The following ZMYM1 variants were observed in gnomAD, a reference collection of about 807,000 sequenced individuals.
ZMYM1 encodes the protein zinc finger MYM-type protein 1.
A neutral mutation model predicts 60.0 loss-of-function variants in ZMYM1; 39 were observed. The ratio of observed to expected loss-of-function variants is 0.65; its 90% CI spans 0.50 to 0.85. ZMYM1 has a LOEUF of 0.85. Among genes scored for constraint, ZMYM1 ranks in the 40% least tolerant of loss-of-function variants. The pLI, the probability that ZMYM1 is intolerant of heterozygous loss-of-function variation, is 0.00. For missense variants in ZMYM1, 1,171 were observed against 1,309.5 expected (o/e 0.89, Z 1.63); for synonymous variants, 413 against 454.0 (o/e 0.91, Z 1.15).
chr1:35,106,091 A>C (rs367655431), intron 6 of ZMYM1, among the ~76,000 whole-genome samples: 3 of 152,224 alleles, frequency 2.0e-5, no homozygotes, highest in African/African-American at 7.2e-5. Context: ...CCTGTCTTTA[A>C]AAAAACAAAC....
intron 6 of ZMYM1, among the ~76,000 whole-genome samples, chr1:35,107,511 G>T (rs1328595367): frequency 1.3e-5 from 2 of 151,366 alleles, no homozygotes; most frequent in African/African-American, 4.9e-5. Context: ...CAGTTGTTCA[G>T]CTTATGTGAT....
At chr1:35,060,199 C>T (rs1416081931) in intron 1 of ZMYM1, among the ~76,000 whole-genome samples, 6 of 149,344 alleles carry the variant, frequency 4.0e-5, no homozygotes, top group African/African-American at 1.0e-4. Context: ...GACAGAGTTT[C>T]GCTCTTGTTG....
At chr1:35,065,086 G>A (rs1213741474) in intron 1 of ZMYM1, among the ~76,000 whole-genome samples, 4 of 152,010 alleles carry the variant, frequency 2.6e-5, no homozygotes, top group African/African-American at 4.8e-5. Flanking sequence ...CGAAATTTGT[G>A]GGATACAACT....
At chr1:35,065,420 AT>A (rs1432757070) in intron 1 of ZMYM1, among the ~76,000 whole-genome samples, 5 of 151,984 alleles carry the variant, frequency 3.3e-5, no homozygotes, top group African/African-American at 1.2e-4. Context: ...AATATAGTAT[AT>A]AATACATACA....
At chr1:35,105,779 A>G (rs1643874500) in intron 6 of ZMYM1, among the ~76,000 whole-genome samples, 1 of 151,752 alleles carries the variant, frequency 6.6e-6, no homozygotes, top group African/African-American at 2.4e-5. Flanking sequence ...CTAATTTTTA[A>G]TTTTTTTGTA....
intron 6 of ZMYM1, among the ~76,000 whole-genome samples, chr1:35,107,188 C>T (rs1643919706): frequency 6.8e-6 from 1 of 146,402 alleles, no homozygotes; most frequent in East Asian, 2.2e-4. Context: ...ATGCCGGGCA[C>T]GGTGGGTCAC....
intron 1 of ZMYM1, among the ~76,000 whole-genome samples, chr1:35,087,301 T>A (rs1000122302): frequency 3.3e-5 from 5 of 152,026 alleles, no homozygotes; most frequent in Non-Finnish European, 7.4e-5. Flanking sequence ...CAAAAATTCA[T>A]TTTTTAACAG....
chr1:35,111,190 C>G (rs1199000748), intron 7 of ZMYM1, among the ~76,000 whole-genome samples: 1 of 152,076 alleles, frequency 6.6e-6, no homozygotes, highest in African/African-American at 2.4e-5. Context: ...ATTGTAAATG[C>G]TTTAAGACTC....
At chr1:35,100,621 C>CA (rs200864645) in intron 4 of ZMYM1, among the ~76,000 whole-genome samples, 6,524 of 108,188 alleles carry the variant, frequency 0.06, 385 homozygotes, top group African/African-American at 0.17. Context: ...GACCCTGTCT[C>CA]AAAAAAAAAA....
intron 3 of ZMYM1, among the ~76,000 whole-genome samples, chr1:35,096,781 C>T (rs1004232270): frequency 3.3e-5 from 5 of 152,142 alleles, no homozygotes; most frequent in African/African-American, 1.2e-4. Context: ...CTCACTGCAG[C>T]CTCCACCTCT....
chr1:35,096,095 A>G (rs1306053663), intron 3 of ZMYM1, among the ~76,000 whole-genome samples: 1 of 152,082 alleles, frequency 6.6e-6, no homozygotes, highest in African/African-American at 2.4e-5. Context: ...CAGGCGGATC[A>G]TGAGGTCAGG....
chr1:35,106,834 G>A (rs1643904411), intron 6 of ZMYM1, among the ~76,000 whole-genome samples: 1 of 149,850 alleles, frequency 6.7e-6, no homozygotes, highest in South Asian at 2.1e-4. Flanking sequence ...GTTCTGGGTT[G>A]TTTTTTGTTG....
At chr1:35,111,557 G>A (rs180823887) in intron 7 of ZMYM1, among the ~76,000 whole-genome samples, 3 of 152,156 alleles carry the variant, frequency 2.0e-5, no homozygotes, top group Admixed American at 1.3e-4. Flanking sequence ...GACATAAAAT[G>A]TTGGAGAAGT....
Position 35,115,368 on chromosome 1 carries a change from CT to C in ZMYM1, c.*111del, listed in dbSNP as rs2148580762. 7.9e-7 allele frequency: 1 copy of C among 1,269,356 alleles called. No homozygotes were observed. Among genetic ancestry groups the C allele is most frequent in the Admixed American group, 2.9e-5 (1 of 34,142 alleles). 78.6% of individuals were successfully genotyped at this position (1,269,356 alleles called of 1,614,324 possible). ...ACAGAACGATAAACAGTGAAGTCTCCTTCCCTCCTTTAGAACTCATTTTCTC... is the reference window on the plus strand; with the variant it reads ...ACAGAACGATAAACAGTGAAGTCTCCTCCCTCCTTTAGAACTCATTTTCTC... On this transcript the variant is annotated 3_prime_UTR_variant, in exon 10 of 10. Coordinates refer to ENST00000359858, the MANE Select transcript of ZMYM1 (RefSeq NM_024772.5).
intron 4 of ZMYM1, among the ~76,000 whole-genome samples, chr1:35,100,448 C>A (rs61443501): frequency 1.3e-5 from 2 of 151,664 alleles, no homozygotes; most frequent in African/African-American, 2.4e-5. Flanking sequence ...ACCACAAATC[C>A]CTGTCTCTAC....
intron 1 of ZMYM1, among the ~76,000 whole-genome samples, chr1:35,069,404 CTTAAG>C (rs771495900): frequency 2.4e-4 from 37 of 152,118 alleles, no homozygotes; most frequent in Non-Finnish European, 4.1e-4. Flanking sequence ...AGAAATGTCT[CTTAAG>C]TTATCTTGTC....
At chr1:35,110,508 T>G in intron 7 of ZMYM1, 61 bp downstream of exon 7, 1 of 1,219,256 alleles carries the variant, frequency 8.2e-7, no homozygotes, top group African/African-American at 1.6e-5. Flanking sequence ...ATTATTTGAC[T>G]TTAATTTATA....
chr1:35,109,507 T>A (rs781208570), intron 6 of ZMYM1, among the ~76,000 whole-genome samples: 2 of 152,196 alleles, frequency 1.3e-5, no homozygotes, highest in African/African-American at 2.4e-5. Context: ...GCTGCTTTCT[T>A]ACAATATGCT....
At chr1:35,117,511 G>A (rs1296242064), downstream of ZMYM1, among the ~76,000 whole-genome samples, 1 of 151,296 alleles carries the variant, frequency 6.6e-6, no homozygotes, top group Non-Finnish European at 1.5e-5. Context: ...TAGTAGAGAT[G>A]GGGTTTCACC....
Sources: allele counts gnomAD v4.1 joint callset (sites outside exome capture counted in the v4.1 genomes callset), GRCh38; gene constraint gnomAD v4.1.1; transcripts MANE v1.5; gene names NCBI Gene and HGNC (gene_info 2026-07-23, HGNC 2026-07-21).